Variants in FHIT observed in about 807,000 individuals in gnomAD.
FHIT encodes the protein bis(5'-adenosyl)-triphosphatase.
Under a neutral mutation model 17.9 loss-of-function variants are expected in FHIT, and 19 were observed. That is an observed-to-expected ratio of 1.06 (90% CI 0.74 to 1.56). The LOEUF (loss-of-function observed/expected upper bound fraction) is 1.56. Ranked by LOEUF, FHIT falls within the 40% of genes most tolerant of loss-of-function variation. FHIT has a pLI of 0.00. For synonymous variants in FHIT, 81 were observed against 69.7 expected (o/e 1.16, Z -0.81); for missense variants, 248 against 189.2 (o/e 1.31, Z -1.82).
At chr3:60,548,619 AC>A (rs1273749215) in intron 4 of FHIT, among the ~76,000 whole-genome samples, 1 of 152,148 alleles carries the variant, frequency 6.6e-6, no homozygotes, top group African/African-American at 2.4e-5. Context: ...TTGCCTGGCT[AC>A]TCAAAATGTG....
At chr3:61,172,101 G>C (rs1554600) in intron 2 of FHIT, among the ~76,000 whole-genome samples, 2,730 of 152,242 alleles carry the variant, frequency 0.018, 36 homozygotes, top group Admixed American at 0.033. Context: ...TGGGGAAAAA[G>C]GAGAGGGTGC....
intron 5 of FHIT, among the ~76,000 whole-genome samples, chr3:60,261,958 C>T (rs1706327581): frequency 6.6e-6 from 1 of 152,040 alleles, no homozygotes; most frequent in African/African-American, 2.4e-5. Flanking sequence ...TACCATTAGA[C>T]CATAACCTTT....
At chr3:59,778,689 CAG>C (rs1241738462) in intron 8 of FHIT, among the ~76,000 whole-genome samples, 1 of 152,198 alleles carries the variant, frequency 6.6e-6, no homozygotes, top group Non-Finnish European at 1.5e-5. Context: ...ACCCCTGGGA[CAG>C]AGACTTCTGT....
intron 5 of FHIT, among the ~76,000 whole-genome samples, chr3:60,152,182 A>G: frequency 6.6e-6 from 1 of 152,154 alleles, no homozygotes; most frequent in South Asian, 2.1e-4. Flanking sequence ...TAATCAATGA[A>G]TGGCAAGCAT....
chr3:60,498,200 T>C (rs1387965195), intron 5 of FHIT, among the ~76,000 whole-genome samples: 1 of 152,222 alleles, frequency 6.6e-6, no homozygotes, highest in Non-Finnish European at 1.5e-5. Flanking sequence ...TATTTTAAAT[T>C]TAAGGCATTT....
chr3:61,114,648 G>A (rs2036249639), intron 2 of FHIT, among the ~76,000 whole-genome samples: 3 of 152,066 alleles, frequency 2.0e-5, no homozygotes, highest in South Asian at 2.1e-4. Flanking sequence ...AGAACCTAGC[G>A]TTGGCCATGG....
intron 4 of FHIT, among the ~76,000 whole-genome samples, chr3:60,543,624 TTTATAA>T (rs1369022395): frequency 6.6e-6 from 1 of 152,194 alleles, no homozygotes; most frequent in African/African-American, 2.4e-5. Context: ...ATTGTCATAG[TTTATAA>T]TTAGTTACTC....
At chr3:60,944,848 T>C (rs561144582) in intron 3 of FHIT, among the ~76,000 whole-genome samples, 3 of 152,322 alleles carry the variant, frequency 2.0e-5, no homozygotes, top group Non-Finnish European at 4.4e-5. Context: ...CAGCACACTT[T>C]ATTGATGAAA....
At chr3:61,220,149 T>C (rs969635095) in intron 1 of FHIT, among the ~76,000 whole-genome samples, 19 of 152,382 alleles carry the variant, frequency 1.2e-4, no homozygotes, top group Non-Finnish European at 2.2e-4. Flanking sequence ...GCCCTCGTTT[T>C]CATTTTTATG....
rs919056701 is a variant in FHIT at position 60,275,630 on chromosome 3, C to T, written c.103+261230G>A. ...AGATGTTGTCTTAGTCAATGCCATA[C>T]ACACACACACACACACACCTGTGAC... On this transcript the variant is annotated intron_variant, in intron 5 of 9. Transcript: ENST00000492590. Among the ~76,000 whole-genome samples, 7 of 150,580 alleles carry T rather than the reference C, an allele frequency of 4.6e-5. No homozygotes were observed. The East Asian group carries it at 9.7e-4, about 21-fold the overall frequency.
intron 5 of FHIT, among the ~76,000 whole-genome samples, chr3:60,226,076 G>C (rs1291781725): frequency 1.3e-5 from 2 of 152,148 alleles, no homozygotes; most frequent in Non-Finnish European, 2.9e-5. Context: ...AGGGTGAGGA[G>C]ATGTTAACAA....
intron 4 of FHIT, among the ~76,000 whole-genome samples, chr3:60,642,223 G>A (rs2039743146): frequency 6.6e-6 from 1 of 152,154 alleles, no homozygotes; most frequent in South Asian, 2.1e-4. Context: ...AACAAGCAGG[G>A]CAGACAAGGT....
intron 3 of FHIT, among the ~76,000 whole-genome samples, chr3:60,954,468 T>TAC (rs1709027472): frequency 6.6e-6 from 1 of 152,204 alleles, no homozygotes; most frequent in African/African-American, 2.4e-5. Flanking sequence ...TATTTTAAAT[T>TAC]ACAGGGGACA....
chr3:60,061,607 G>T (rs1467400688), intron 5 of FHIT, among the ~76,000 whole-genome samples: 1 of 152,182 alleles, frequency 6.6e-6, no homozygotes, highest in African/African-American at 2.4e-5. Context: ...TAGGCAACCA[G>T]ATCACAGCAG....
chr3:60,858,417 T>G (rs1244495124), intron 3 of FHIT, among the ~76,000 whole-genome samples: 1 of 152,142 alleles, frequency 6.6e-6, no homozygotes, highest in Non-Finnish European at 1.5e-5. Context: ...AACCATCACA[T>G]GTATGGTCAG....
At chr3:60,296,699 G>A (rs1158629121) in intron 5 of FHIT, among the ~76,000 whole-genome samples, 1 of 151,890 alleles carries the variant, frequency 6.6e-6, no homozygotes, top group African/African-American at 2.4e-5. Context: ...TCATGCATTT[G>A]ATGCCAAGTC....
intron 4 of FHIT, among the ~76,000 whole-genome samples, chr3:60,575,223 G>C (rs1288352482): frequency 6.6e-6 from 1 of 152,158 alleles, no homozygotes; most frequent in Non-Finnish European, 1.5e-5. Flanking sequence ...TAAGAAACAT[G>C]AGTAGGTATC....
At chr3:60,219,098 A>C (rs1703837757) in intron 5 of FHIT, among the ~76,000 whole-genome samples, 2 of 152,118 alleles carry the variant, frequency 1.3e-5, no homozygotes, top group South Asian at 4.1e-4. Flanking sequence ...TTATTTACCC[A>C]GGGTCTATCT....
At chr3:60,249,935 T>C (rs1463632243) in intron 5 of FHIT, among the ~76,000 whole-genome samples, 9 of 151,994 alleles carry the variant, frequency 5.9e-5, no homozygotes, top group Admixed American at 5.9e-4. Flanking sequence ...ACAGAGAAAC[T>C]CCTGTTTATA....
Sources: gnomAD v4.1 joint callset for allele counts (sites outside exome capture counted in the v4.1 genomes callset) on GRCh38, gnomAD v4.1.1 for gene constraint, MANE v1.5 for transcripts, NCBI Gene and HGNC (gene_info 2026-07-23, HGNC 2026-07-21) for gene names.